The following NTRK3 variants were observed in gnomAD, a reference collection of about 807,000 sequenced individuals.
NTRK3 encodes the protein neurotrophic receptor tyrosine kinase 3, also known as NT-3 growth factor receptor.
NTRK3 carries 24 observed loss-of-function variants against 91.7 expected under a neutral mutation model. The ratio of observed to expected loss-of-function variants is 0.26; its 90% CI spans 0.19 to 0.37. The LOEUF is 0.37. NTRK3 is among the 10% of genes least tolerant of loss of function. The pLI, the probability that NTRK3 is intolerant of heterozygous loss-of-function variation, is 1.00. For missense variants in NTRK3, 880 were observed against 1,068.9 expected (o/e 0.82, Z 2.46); for synonymous variants, 483 against 404.0 (o/e 1.20, Z -2.34).
intron 5 of NTRK3, among the ~76,000 whole-genome samples, chr15:88,159,501 T>C (rs534751225): frequency 2.0e-5 from 3 of 152,328 alleles, no homozygotes; most frequent in Non-Finnish European, 2.9e-5. Flanking sequence ...TGGGTGACAT[T>C]GATGTTGCTG....
At position 88,062,434 on chromosome 15, in the gene NTRK3, A is replaced by C. The variant is rs117493502; in HGVS notation, c.1397-29389T>G. 6.1e-4 allele frequency among the ~76,000 whole-genome samples: 93 copies of C among 152,286 alleles called. No individual in the cohort carries two copies. The East Asian group carries it at 0.016, about 27-fold the overall frequency. On this transcript the variant is annotated intron_variant, in intron 13 of 18. Transcript: ENST00000394480. ...CTCCCCTTGCAGCCAATGGGATATA[A>C]ACAGAAGTCTTGGCTAGTAATTCCT...
intron 6 of NTRK3, among the ~76,000 whole-genome samples, chr15:88,142,349 C>T (rs1228779678): frequency 6.6e-6 from 1 of 152,254 alleles, no homozygotes; most frequent in African/African-American, 2.4e-5. Flanking sequence ...TACCAACACC[C>T]GGCACTTGCC....
intron 14 of NTRK3, among the ~76,000 whole-genome samples, chr15:87,985,044 C>G (rs1225015444): frequency 1.3e-5 from 2 of 152,022 alleles, no homozygotes; most frequent in Non-Finnish European, 2.9e-5. Flanking sequence ...GTTGAATGCC[C>G]CTAAAATACC....
intron 14 of NTRK3, among the ~76,000 whole-genome samples, chr15:87,963,606 C>T (rs949350824): frequency 6.6e-6 from 1 of 152,146 alleles, no homozygotes; most frequent in Non-Finnish European, 1.5e-5. Flanking sequence ...CATGATTTTG[C>T]CCAACTGTAG....
At chr15:88,022,551 T>C (rs1232278191) in intron 14 of NTRK3, among the ~76,000 whole-genome samples, 1 of 152,136 alleles carries the variant, frequency 6.6e-6, no homozygotes, top group Non-Finnish European at 1.5e-5. Flanking sequence ...CTCTTACTCC[T>C]TGAAGACAAG....
At chr15:87,937,153 C>G (rs1332243924) in intron 15 of NTRK3, among the ~76,000 whole-genome samples, 1 of 152,236 alleles carries the variant, frequency 6.6e-6, no homozygotes, top group Admixed American at 6.5e-5. Flanking sequence ...ACATGAGATC[C>G]TGAACACTCC....
At position 88,159,862 on chromosome 15, in the gene NTRK3, G is replaced by A. The variant is rs1597674238; in HGVS notation, c.396-12459C>T. Among the ~76,000 whole-genome samples the A allele has an allele frequency of 4.6e-5, 7 of 151,480 alleles. No individual in the cohort carries two copies. The South Asian group carries it at 1.5e-3, about 32-fold the overall frequency. On this transcript the variant is annotated intron_variant, in intron 5 of 18. Transcript: ENST00000394480. ...GCACATTGACTAAAGGGAGGTCCCT[G>A]CTGCCCAAAGTGCCTCCTACACCTG...
intron 14 of NTRK3, among the ~76,000 whole-genome samples, chr15:87,951,264 T>A (rs182358072): frequency 6.6e-6 from 1 of 152,326 alleles, no homozygotes; most frequent in African/African-American, 2.4e-5. Flanking sequence ...CTATTCCTTA[T>A]GCAAAAATAG....
chr15:88,181,220 G>C (rs1231931351), intron 5 of NTRK3, among the ~76,000 whole-genome samples: 3 of 152,116 alleles, frequency 2.0e-5, no homozygotes, highest in Non-Finnish European at 2.9e-5. Context: ...CAAAGTCATG[G>C]GCAGGTTCAA....
intron 13 of NTRK3, among the ~76,000 whole-genome samples, chr15:88,068,544 T>C (rs1162120612): frequency 6.6e-6 from 1 of 152,234 alleles, no homozygotes; most frequent in Non-Finnish European, 1.5e-5. Context: ...ATGCAAGATA[T>C]TAACTGAGAC....
intron 5 of NTRK3, among the ~76,000 whole-genome samples, chr15:88,175,407 GAGAT>G (rs1383373245): frequency 1.3e-5 from 2 of 152,088 alleles, no homozygotes; most frequent in African/African-American, 4.8e-5. Context: ...GAGACATAAA[GAGAT>G]AGAGCAATAG....
chr15:88,052,947 A>C (rs1246392030), intron 13 of NTRK3, among the ~76,000 whole-genome samples: 1 of 152,218 alleles, frequency 6.6e-6, no homozygotes, highest in East Asian at 1.9e-4. Flanking sequence ...GTAACTTTAA[A>C]TAAGTGGCTT....
intron 17 of NTRK3, among the ~76,000 whole-genome samples, chr15:87,909,577 A>T (rs1358864072): frequency 6.6e-6 from 1 of 152,184 alleles, no homozygotes; most frequent in African/African-American, 2.4e-5. Flanking sequence ...GACGGAGATG[A>T]AAGAAAGGAC....
chr15:87,944,829 C>T (rs2070286069), intron 14 of NTRK3, among the ~76,000 whole-genome samples: 1 of 152,236 alleles, frequency 6.6e-6, no homozygotes, highest in African/African-American at 2.4e-5. Context: ...AGAGCCTCTG[C>T]TCAGGCCCTG....
chr15:88,014,109 G>A (rs879836459), intron 14 of NTRK3, among the ~76,000 whole-genome samples: 2 of 152,204 alleles, frequency 1.3e-5, no homozygotes, highest in African/African-American at 2.4e-5. Flanking sequence ...GTTGGAACAC[G>A]CTACTTGATA....
At chr15:87,896,066 T>C (rs1291443542) in intron 17 of NTRK3, among the ~76,000 whole-genome samples, 4 of 152,106 alleles carry the variant, frequency 2.6e-5, no homozygotes, top group African/African-American at 9.7e-5. Flanking sequence ...CCTAAAAGTA[T>C]ATAAAACCAA....
intron 5 of NTRK3, among the ~76,000 whole-genome samples, chr15:88,176,747 G>C (rs922670415): frequency 6.6e-6 from 1 of 152,166 alleles, no homozygotes; most frequent in African/African-American, 2.4e-5. Flanking sequence ...CTGAGTGCTG[G>C]AGATATAGCA....
intron 3 of NTRK3, among the ~76,000 whole-genome samples, chr15:88,221,502 G>T (rs984509344): frequency 6.6e-6 from 1 of 152,176 alleles, no homozygotes; most frequent in Non-Finnish European, 1.5e-5. Context: ...TTTCAACAAG[G>T]AGTTTACCGT....
chr15:87,934,788 A>G (rs528688807), intron 15 of NTRK3, among the ~76,000 whole-genome samples: 2 of 152,164 alleles, frequency 1.3e-5, no homozygotes, highest in African/African-American at 4.8e-5. Context: ...GGACCTCAGT[A>G]CTCTCCTGGT....
Sources: allele counts gnomAD v4.1 joint callset (sites outside exome capture counted in the v4.1 genomes callset), GRCh38; gene constraint gnomAD v4.1.1; transcripts MANE v1.5; gene names NCBI Gene and HGNC (gene_info 2026-07-23, HGNC 2026-07-21).